FGFRL1: variants seen among roughly 807,000 people sequenced by gnomAD.
FGFRL1 encodes the protein fibroblast growth factor receptor like 1.
A neutral mutation model predicts 36.8 loss-of-function variants in FGFRL1; 24 were observed. That is an observed-to-expected ratio of 0.65 (90% confidence interval 0.47 to 0.92). FGFRL1 has a LOEUF of 0.92. FGFRL1 is among the 40% of genes least tolerant of loss of function. The pLI, the probability that FGFRL1 is intolerant of heterozygous loss-of-function variation, is 0.00. For synonymous variants in FGFRL1, 422 were observed against 344.1 expected (o/e 1.23, Z -2.50); for missense variants, 785 against 753.4 (o/e 1.04, Z -0.49).
At chr4:1,024,275 G>C (rs1370053577) in intron 5 of FGFRL1, 36 bp from the exon 6 acceptor site, 8 of 1,552,460 alleles carry the variant, frequency 5.2e-6, no homozygotes, top group African/African-American at 1.4e-5. Context: ...GTCCGGCGCG[G>C]CCCAGGAGCC....
rs755650629 is a variant in FGFRL1 at position 1,024,025 on chromosome 4, G to A, written c.642G>A (p.Glu214=). 16 of 1,607,678 alleles carry A rather than the reference G, an allele frequency of 1.0e-5. No individual in the cohort carries two copies. The highest frequency in any genetic ancestry group is 1.3e-5 in the African/African-American group (1 of 74,758). The change falls in exon 5 of 7, where the codon GAG becomes GAA. Residue 214 remains glutamate, a synonymous_variant. Transcript: ENST00000510644. ...TGAGCCTGAAGAACCTGCGGCCGGA[G>A]GACAGCGGCAAATACACCTGCCGCG... ...WTLSLKNLRP[E]DSGKYTCRVS...
At chr4:1,024,820 A>G (rs2153027399) in intron 6 of FGFRL1, 85 bp from the exon 7 acceptor site, 1 of 1,431,462 alleles carries the variant, frequency 7.0e-7, no homozygotes, top group South Asian at 1.4e-5. Flanking sequence ...CACCGTCTCC[A>G]CAGCCCCTGG....
chr4:1,012,598 C>T (rs1049344124), intron 2 of FGFRL1, 34 bp downstream of exon 2: 2 of 1,062,468 alleles, frequency 1.9e-6, no homozygotes, highest in Non-Finnish European at 1.3e-6. Context: ...CCAGCCTGGC[C>T]TCCGCCAGCG....
chr4:1,022,919 C>T (rs114963163), intron 3 of FGFRL1, among the ~76,000 whole-genome samples: 3,165 of 152,268 alleles, frequency 0.021, 121 homozygotes, highest in African/African-American at 0.071. Flanking sequence ...AGAGACACGC[C>T]CTCCATACCT....
upstream of FGFRL1, among the ~76,000 whole-genome samples, chr4:1,010,452 C>T (rs1183000691): frequency 6.6e-6 from 1 of 152,262 alleles, no homozygotes; most frequent in Non-Finnish European, 1.5e-5. Flanking sequence ...CACACCCTGA[C>T]AGCTGGCGCC....
rs543347696 is a variant in FGFRL1 at position 1,024,323 on chromosome 4, C to T, written c.731C>T (p.Ser244Phe). 6.2e-7 allele frequency: 1 copy of T among 1,603,300 alleles called. No homozygotes were observed. The highest frequency in any genetic ancestry group is 1.1e-5 in the South Asian group (1 of 90,416). ...CACGTTCCCACAGAGCGGACCCGTT[C>T]CAAGCCCGTGCTCACAGGCACGCAC... ...YKVDVIQRTR[S>F]KPVLTGTHPV... The change falls in exon 6 of 7, where the codon TCC becomes TTC. Residue 244 changes from serine to phenylalanine, a missense_variant. Physicochemically the swap from Ser to Phe is radical, Grantham distance 155. Transcript: ENST00000510644.
intron 2 of FGFRL1, among the ~76,000 whole-genome samples, chr4:1,020,221 A>C (rs1181052302): frequency 6.6e-6 from 1 of 152,120 alleles, no homozygotes; most frequent in Non-Finnish European, 1.5e-5. Flanking sequence ...AGCAGCTGCT[A>C]CCTCTTGGTG....
At chr4:1,018,000 G>A (rs1447164516) in intron 2 of FGFRL1, among the ~76,000 whole-genome samples, 1 of 152,230 alleles carries the variant, frequency 6.6e-6, no homozygotes, top group Non-Finnish European at 1.5e-5. Flanking sequence ...ACGTGGCCAG[G>A]ACGGGCCCTT....
rs1716488145 is a variant in FGFRL1, at chr4:1,025,755, T to C, written c.*408T>C. Reference sequence around the variant, plus strand: ...CACACACACACACACGGATATGCTGTCTGGACGCACACACGTGCAGATATG... The same window carrying C: ...CACACACACACACACGGATATGCTGCCTGGACGCACACACGTGCAGATATG... On this transcript the variant is annotated 3_prime_UTR_variant, in exon 7 of 7. Transcript: ENST00000510644. The C allele has an allele frequency of 7.3e-6, 2 of 274,146 alleles. No homozygotes were observed. The highest frequency in any genetic ancestry group is 1.4e-5 in the Non-Finnish European group (2 of 144,868). The allele number at this position is 274,146 out of a possible 1,614,324, so 17.0% of individuals were successfully genotyped here.
In FGFRL1 at chr4:1,026,099, GACACACACACAGATAATGCTGCCTCA is replaced by G. The variant is rs1163294607; in HGVS notation, c.*757_*782del. 1 of 153,294 alleles carries G rather than the reference GACACACACACAGATAATGCTGCCTCA, an allele frequency of 6.5e-6. No homozygotes were observed. Among genetic ancestry groups the G allele is most frequent in the Non-Finnish European group, 1.4e-5 (1 of 70,006 alleles). 9.5% of individuals were successfully genotyped at this position (153,294 alleles called of 1,614,324 possible). ...CACACGCACGCAGATATGCTGCCTG[GACACACACACAGATAATGCTGCCTCA>G]ACACTCACACACGTGCAGATATTGC... is the stretch of plus-strand genomic sequence containing the variant. On this transcript the variant is annotated 3_prime_UTR_variant, in exon 7 of 7. Transcript: ENST00000510644.
rs774173217 is a variant in FGFRL1, at chr4:1,025,155, C to T, written c.1323C>T (p.Gly441=). ...CCTCGTTGGCCGCCCTCAGCGCTGG[C>T]CCTGGTGTGGGGCTGTGTGAGGAGC... is the stretch of plus-strand genomic sequence containing the variant. ...DLPSLAALSA[G]PGVGLCEEHG... is the part of the protein sequence containing the mutation. The change falls in exon 7 of 7, where the codon GGC becomes GGT. Residue 441 remains glycine, a synonymous_variant. Transcript: ENST00000510644. The T allele has an allele frequency of 6.2e-7, 1 of 1,610,674 alleles. No homozygotes were observed. The highest frequency in any genetic ancestry group is 8.5e-7 in the Non-Finnish European group (1 of 1,179,146).
At chr4:1,016,316 T>C (rs1280231384) in intron 2 of FGFRL1, among the ~76,000 whole-genome samples, 2 of 87,464 alleles carry the variant, frequency 2.3e-5, no homozygotes, top group Non-Finnish European at 4.7e-5. Flanking sequence ...AGGGGAGGCC[T>C]GGGGACTGCA....
intron 2 of FGFRL1, among the ~76,000 whole-genome samples, chr4:1,014,442 A>C (rs1475060623): frequency 6.6e-6 from 1 of 152,206 alleles, no homozygotes. Context: ...TTTTGCAAGC[A>C]TGGCCTTGGG....
intron 2 of FGFRL1, among the ~76,000 whole-genome samples, chr4:1,014,705 C>T (rs917062449): frequency 2.6e-5 from 4 of 152,252 alleles, no homozygotes; most frequent in African/African-American, 9.6e-5. Context: ...GGCCTTCCTC[C>T]CTCGCCCCAG....
At chr4:1,010,691 TGAGGGGAGGCCATGGGGCGGCTG>T (rs1715537050), upstream of FGFRL1, among the ~76,000 whole-genome samples, 1 of 151,756 alleles carries the variant, frequency 6.6e-6, no homozygotes, top group Non-Finnish European at 1.5e-5. Flanking sequence ...GGAGGCAGGA[TGAGGGGAGGCCATGGGGCGGCTG>T]GAGGTGCGGC....
At position 1,019,798 on chromosome 4, in the gene FGFRL1, G is replaced by A. The variant is rs1268922626; in HGVS notation, c.80-2405G>A. ...GAGGGTCCTGAGTTGAGGGAGAGAC[G>A]TGAGTCAGAGAAGAGACCCCCACAT... On this transcript the variant is annotated intron_variant, in intron 2 of 6. Coordinates refer to ENST00000510644, the MANE Select transcript of FGFRL1 (RefSeq NM_001004356.3). 2.0e-5 allele frequency among the ~76,000 whole-genome samples: 3 copies of A among 152,238 alleles called. No individual in the cohort carries two copies. In the South Asian group the frequency reaches 6.2e-4, roughly 31 times the overall value.
intron 2 of FGFRL1, among the ~76,000 whole-genome samples, chr4:1,020,153 C>T (rs1462422465): frequency 6.6e-6 from 1 of 152,228 alleles, no homozygotes; most frequent in African/African-American, 2.4e-5. Flanking sequence ...GTCACAGGGC[C>T]ACTGTTAACT....
At position 1,023,612 on chromosome 4, in the gene FGFRL1, C is replaced by T. The variant is rs770487610; in HGVS notation, c.353-29C>T. ...GCTCCTCAGGGCCCCCCTCACCTGC[C>T]CTCCCTGTGCACCTCCGTCTCTCTG... is the stretch of plus-strand genomic sequence containing the variant. On this transcript the variant is annotated intron_variant, in intron 3 of 6. Transcript: ENST00000510644. This position sits in a 1 kb window ranked among gnomAD's most constrained non-coding sequence, Gnocchi z 6.0. 2.5e-5 allele frequency: 40 copies of T among 1,571,534 alleles called. No individual in the cohort carries two copies. The highest frequency in any genetic ancestry group is 3.4e-5 in the Non-Finnish European group (39 of 1,159,352).
chr4:1,022,079 G>T (rs1233561385), intron 2 of FGFRL1, 124 bp from the exon 3 acceptor site: 3 of 713,354 alleles, frequency 4.2e-6, no homozygotes, highest in African/African-American at 3.7e-5. Flanking sequence ...CTCATCTTGG[G>T]CAGGTGACCC....
Sources: allele counts gnomAD v4.1 joint callset (sites outside exome capture counted in the v4.1 genomes callset), GRCh38; gene constraint gnomAD v4.1.1; non-coding constraint Gnocchi (gnomAD v3.1); transcripts MANE v1.5; gene names NCBI Gene and HGNC (gene_info 2026-07-23, HGNC 2026-07-21).